Variants in TMEM135 observed in about 807,000 individuals in gnomAD.
TMEM135 encodes transmembrane protein 135.
TMEM135 carries 30 observed loss-of-function variants against 60.3 expected under a neutral mutation model. That is an observed-to-expected ratio of 0.50 (90% CI 0.37 to 0.68). The LOEUF is 0.68. Among genes scored for constraint, TMEM135 ranks in the 30% least tolerant of loss-of-function variants. The probability of loss-of-function intolerance (pLI) is 0.00; values close to 1 mark genes in which losing one functional copy is unlikely to be tolerated. For missense variants in TMEM135, 468 were observed against 548.8 expected (o/e 0.85, Z 1.47); for synonymous variants, 190 against 186.7 (o/e 1.02, Z -0.14).
At chr11:87,053,689 T>G (rs1949864134) in intron 1 of TMEM135, among the ~76,000 whole-genome samples, 1 of 152,218 alleles carries the variant, frequency 6.6e-6, no homozygotes, top group African/African-American at 2.4e-5. Flanking sequence ...GAATGCCTAA[T>G]AGTGGTTGAT....
intron 4 of TMEM135, among the ~76,000 whole-genome samples, chr11:87,107,690 T>A (rs1189078607): frequency 6.6e-6 from 1 of 152,166 alleles, no homozygotes; most frequent in Non-Finnish European, 1.5e-5. Context: ...TGGTTCCAAG[T>A]CTTTGCTATT....
intron 5 of TMEM135, among the ~76,000 whole-genome samples, chr11:87,222,194 A>G (rs1940638755): frequency 6.7e-6 from 1 of 149,452 alleles, no homozygotes; most frequent in African/African-American, 2.5e-5. Flanking sequence ...AAAAAAAAAA[A>G]AAAAAAAAAA....
chr11:87,249,232 G>T (rs1046552252), intron 6 of TMEM135, among the ~76,000 whole-genome samples: 9 of 152,080 alleles, frequency 5.9e-5, no homozygotes, highest in Admixed American at 1.3e-4. Flanking sequence ...TGGGTCTGTT[G>T]TGTGTGACTG....
chr11:87,038,792 G>C (rs976251414), intron 1 of TMEM135, among the ~76,000 whole-genome samples: 6 of 152,004 alleles, frequency 3.9e-5, no homozygotes, highest in Non-Finnish European at 8.8e-5. Context: ...GGTGATGCCA[G>C]TCTTTCAGTC....
intron 6 of TMEM135, among the ~76,000 whole-genome samples, chr11:87,268,674 ATT>A (rs148747982): frequency 1.3e-5 from 2 of 149,660 alleles, no homozygotes; most frequent in Admixed American, 6.7e-5. Flanking sequence ...CCTATTTGCT[ATT>A]TTTTTTTTGG....
At chr11:87,077,212 G>GT (rs2135149635) in intron 3 of TMEM135, among the ~76,000 whole-genome samples, 1 of 152,338 alleles carries the variant, frequency 6.6e-6, no homozygotes, top group South Asian at 2.1e-4. Context: ...TTTCGAGGAA[G>GT]TTATATAAAT....
At chr11:87,231,828 A>G (rs768330474) in intron 5 of TMEM135, among the ~76,000 whole-genome samples, 2 of 152,158 alleles carry the variant, frequency 1.3e-5, no homozygotes, top group Non-Finnish European at 2.9e-5. Context: ...GAAAATTAAA[A>G]TATGTGAGAT....
chr11:87,299,708 A>T (rs768867930), intron 7 of TMEM135, among the ~76,000 whole-genome samples: 2 of 152,202 alleles, frequency 1.3e-5, no homozygotes, highest in African/African-American at 4.8e-5. Flanking sequence ...GGAAGACAGC[A>T]TTAATTTTAA....
At chr11:87,298,135 T>G (rs1942379492) in intron 7 of TMEM135, among the ~76,000 whole-genome samples, 1 of 152,254 alleles carries the variant, frequency 6.6e-6, no homozygotes, top group Non-Finnish European at 1.5e-5. Context: ...ATTGTAGACG[T>G]ATGCTGTAAA....
At position 87,080,886 on chromosome 11, in the gene TMEM135, A is replaced by G. The variant is rs200791778; in HGVS notation, c.362+9271A>G. Among the ~76,000 whole-genome samples, 8 of 151,942 alleles carry G rather than the reference A, an allele frequency of 5.3e-5. No homozygotes were observed. The East Asian group carries it at 1.6e-3, about 30-fold the overall frequency. Reference sequence around the variant, plus strand: ...TTTTTGGTAGAGACGGGGTTTCACCATGTTGGCCAGGCTGGTCTCAAACTC... The same window carrying G: ...TTTTTGGTAGAGACGGGGTTTCACCGTGTTGGCCAGGCTGGTCTCAAACTC... On this transcript the variant is annotated intron_variant, in intron 3 of 14. Coordinates refer to ENST00000305494, the MANE Select transcript of TMEM135 (RefSeq NM_022918.4).
chr11:87,045,713 C>A (rs1949789928), intron 1 of TMEM135, among the ~76,000 whole-genome samples: 1 of 152,158 alleles, frequency 6.6e-6, no homozygotes. Context: ...GCCTTTTATT[C>A]ATTTTTTAGA....
At chr11:87,199,214 G>T (rs756293768) in intron 5 of TMEM135, among the ~76,000 whole-genome samples, 9 of 152,232 alleles carry the variant, frequency 5.9e-5, no homozygotes, top group African/African-American at 1.9e-4. Context: ...ACAAAAATTA[G>T]CTGGGCATGG....
chr11:87,145,705 C>G (rs1040870254), intron 4 of TMEM135, among the ~76,000 whole-genome samples: 1 of 151,032 alleles, frequency 6.6e-6, no homozygotes, highest in Admixed American at 6.6e-5. Flanking sequence ...TTTCATGTAT[C>G]TGTTGACCAT....
At chr11:87,249,029 A>G (rs751015607) in intron 6 of TMEM135, among the ~76,000 whole-genome samples, 1 of 152,120 alleles carries the variant, frequency 6.6e-6, no homozygotes, top group Non-Finnish European at 1.5e-5. Flanking sequence ...TTCCATGTCT[A>G]TCATCTGCAA....
chr11:87,088,130 G>T (rs1283211046), intron 3 of TMEM135, among the ~76,000 whole-genome samples: 2 of 152,114 alleles, frequency 1.3e-5, no homozygotes, highest in Non-Finnish European at 2.9e-5. Context: ...GAGGTGTCAA[G>T]ATAACTTGGG....
At chr11:87,296,753 G>A (rs1942354613) in intron 7 of TMEM135, among the ~76,000 whole-genome samples, 1 of 152,130 alleles carries the variant, frequency 6.6e-6, no homozygotes, top group Admixed American at 6.5e-5. Flanking sequence ...TAGATGATGT[G>A]CCTTAAACTG....
intron 6 of TMEM135, among the ~76,000 whole-genome samples, chr11:87,249,676 A>G (rs181059446): frequency 2.3e-3 from 349 of 152,126 alleles, no homozygotes; most frequent in African/African-American, 6.9e-3. Context: ...CCAGTTTTTC[A>G]TGATGAATTA....
At chr11:87,133,812 G>T (rs376009442) in intron 4 of TMEM135, among the ~76,000 whole-genome samples, 7 of 151,658 alleles carry the variant, frequency 4.6e-5, no homozygotes, top group Non-Finnish European at 1.5e-5. Context: ...TTTTTATCTG[G>T]CCTCTTTCAG....
intron 1 of TMEM135, among the ~76,000 whole-genome samples, chr11:87,043,988 C>T (rs1289537238): frequency 1.3e-5 from 2 of 152,052 alleles, no homozygotes; most frequent in African/African-American, 4.8e-5. Context: ...CTGGCATTTA[C>T]CTTTAGCTGA....
Sources: allele counts gnomAD v4.1 joint callset (sites outside exome capture counted in the v4.1 genomes callset), GRCh38; gene constraint gnomAD v4.1.1; transcripts MANE v1.5; gene names NCBI Gene and HGNC (gene_info 2026-07-23, HGNC 2026-07-21).